Variants in TBC1D22A observed in about 807,000 individuals in gnomAD.
The protein encoded by TBC1D22A is TBC1 domain family member 22A.
A neutral mutation model predicts 60.2 loss-of-function variants in TBC1D22A; 38 were observed. The observed-to-expected ratio is 0.63, with a 90% CI of 0.49 to 0.83. The LOEUF is 0.83. Among genes scored for constraint, TBC1D22A ranks in the 40% least tolerant of loss-of-function variants. TBC1D22A has a pLI of 0.00. For synonymous variants in TBC1D22A, 302 were observed against 281.7 expected (o/e 1.07, Z -0.72); for missense variants, 628 against 701.0 (o/e 0.90, Z 1.18).
intron 12 of TBC1D22A, among the ~76,000 whole-genome samples, chr22:47,127,136 G>C (rs2066485370): frequency 6.6e-6 from 1 of 152,094 alleles, no homozygotes; most frequent in African/African-American, 2.4e-5. Context: ...TTTGCAAATG[G>C]AAAATTCTTG....
chr22:46,848,310 T>C (rs2087113220), intron 4 of TBC1D22A, among the ~76,000 whole-genome samples: 1 of 152,246 alleles, frequency 6.6e-6, no homozygotes, highest in Non-Finnish European at 1.5e-5. Flanking sequence ...GCTAGAAGCT[T>C]TCCTTCAGGG....
chr22:47,073,823 T>C (rs527522105), intron 11 of TBC1D22A, among the ~76,000 whole-genome samples: 2 of 152,166 alleles, frequency 1.3e-5, no homozygotes, highest in Non-Finnish European at 2.9e-5. Flanking sequence ...CTAAAAAAGA[T>C]AGTATTAAAA....
At chr22:46,764,642 G>C (rs749620230) in intron 1 of TBC1D22A, among the ~76,000 whole-genome samples, 3 of 152,162 alleles carry the variant, frequency 2.0e-5, no homozygotes, top group Non-Finnish European at 2.9e-5. Flanking sequence ...GGTAAAATGA[G>C]GTCATACTGG....
intron 11 of TBC1D22A, among the ~76,000 whole-genome samples, chr22:47,097,433 G>A (rs1603264999): frequency 1.3e-5 from 2 of 152,232 alleles, no homozygotes; most frequent in Middle Eastern, 3.4e-3. Context: ...GGCCAACATG[G>A]TGAAACCCCA....
chr22:47,172,227 C>T (rs922224148), intron 12 of TBC1D22A, among the ~76,000 whole-genome samples: 15 of 152,046 alleles, frequency 9.9e-5, no homozygotes, highest in African/African-American at 3.6e-4. Flanking sequence ...CCTGGTGTGT[C>T]TACCTAGCAT....
rs5766707 is a variant in TBC1D22A at position 47,168,996 on chromosome 22, C to T, written c.1426-4502C>T. 7.8e-3 allele frequency among the ~76,000 whole-genome samples: 1,186 copies of T among 151,200 alleles called. 29 individuals carry two copies. The East Asian group carries it at 0.095, about 12-fold the overall frequency. ...GGCATCGGGAGCCTCACCTGCCCTC[C>T]GGCATTGGGAGCCTCACCTGTTGGA... On this transcript the variant is annotated intron_variant, in intron 12 of 12. Transcript: ENST00000337137.
chr22:46,892,232 T>G (rs1025162131), intron 6 of TBC1D22A, among the ~76,000 whole-genome samples: 1 of 152,112 alleles, frequency 6.6e-6, no homozygotes, highest in Non-Finnish European at 1.5e-5. Flanking sequence ...GTGATGGAGC[T>G]TTGCCACATT....
chr22:46,987,876 C>T (rs757644848), intron 9 of TBC1D22A, among the ~76,000 whole-genome samples: 3 of 152,130 alleles, frequency 2.0e-5, no homozygotes, highest in Admixed American at 1.3e-4. Flanking sequence ...CAGAGCTACT[C>T]GATGGCATTT....
chr22:46,907,630 C>T (rs1189656473), intron 7 of TBC1D22A, among the ~76,000 whole-genome samples: 2 of 152,188 alleles, frequency 1.3e-5, no homozygotes, highest in East Asian at 1.9e-4. Context: ...CCACCATCTG[C>T]GCCTCCACCA....
intron 7 of TBC1D22A, among the ~76,000 whole-genome samples, chr22:46,908,949 T>G (rs1050691772): frequency 6.6e-6 from 1 of 152,154 alleles, no homozygotes; most frequent in Admixed American, 6.5e-5. Flanking sequence ...TCATGGAGGC[T>G]CCTGCTGTGG....
chr22:47,057,646 A>C (rs74767293), intron 11 of TBC1D22A, among the ~76,000 whole-genome samples: 1 of 152,226 alleles, frequency 6.6e-6, no homozygotes, highest in African/African-American at 2.4e-5. Context: ...CGCGTCTTAC[A>C]TAGCGGCAGG....
At chr22:47,012,253 G>A (rs114354540) in intron 10 of TBC1D22A, among the ~76,000 whole-genome samples, 7 of 152,150 alleles carry the variant, frequency 4.6e-5, no homozygotes, top group African/African-American at 4.8e-5. Context: ...GTTTGGTTCC[G>A]CTGTGAAAAG....
At chr22:46,921,190 T>A (rs1378367048) in intron 8 of TBC1D22A, among the ~76,000 whole-genome samples, 1 of 152,196 alleles carries the variant, frequency 6.6e-6, no homozygotes, top group Admixed American at 6.5e-5. Context: ...GTTACCCAGG[T>A]AATAAGCGTA....
At chr22:46,792,490 C>T in intron 1 of TBC1D22A, 30 bp from the exon 2 acceptor site, 1 of 1,614,206 alleles carries the variant, frequency 6.2e-7, no homozygotes, top group Non-Finnish European at 8.5e-7. Context: ...AGGAGAGAGG[C>T]TCACTGGTTT....
Position 47,060,236 on chromosome 22 carries a change from G to T in TBC1D22A, c.1329+23038G>T, listed in dbSNP as rs1603208212. 3.7e-5 allele frequency among the ~76,000 whole-genome samples: 5 copies of T among 134,082 alleles called. No homozygotes were observed. In the South Asian group the frequency reaches 1.2e-3, roughly 33 times the overall value. The allele number at this position is 134,082 out of a possible 152,430, so 88.0% of individuals were successfully genotyped here. A position where few individuals can be genotyped will look rare whatever the true frequency, so the allele number is the denominator to read the frequency against. On this transcript the variant is annotated intron_variant, in intron 11 of 12. Coordinates refer to ENST00000337137, the MANE Select transcript of TBC1D22A (RefSeq NM_014346.5). ...TCTGCGGCCCCTGCTAAGGGTTTCT[G>T]ACTTTTTTTTTTTTTTTTTTTTTGA...
intron 12 of TBC1D22A, among the ~76,000 whole-genome samples, chr22:47,136,984 G>C (rs919871179): frequency 6.6e-5 from 10 of 152,200 alleles, no homozygotes; most frequent in Non-Finnish European, 1.3e-4. Flanking sequence ...GGTGGCGAGT[G>C]TGAGCAAACC....
At chr22:46,981,978 A>G (rs2074530443) in intron 9 of TBC1D22A, among the ~76,000 whole-genome samples, 4 of 149,136 alleles carry the variant, frequency 2.7e-5, no homozygotes, top group Admixed American at 2.6e-4. Context: ...GGAGCCAGAT[A>G]GACCAAGGTC....
At chr22:46,936,119 C>A (rs2147915851) in intron 8 of TBC1D22A, among the ~76,000 whole-genome samples, 1 of 152,364 alleles carries the variant, frequency 6.6e-6, no homozygotes, top group South Asian at 2.1e-4. Context: ...TTATTAGGTG[C>A]CAGAGGGTGC....
intron 1 of TBC1D22A, among the ~76,000 whole-genome samples, chr22:46,766,198 C>G (rs1050756953): frequency 6.6e-6 from 1 of 152,102 alleles, no homozygotes; most frequent in African/African-American, 2.4e-5. Flanking sequence ...GGGGTTTCAC[C>G]GTGCTAGCCA....
Sources: gnomAD v4.1 joint callset for allele counts (sites outside exome capture counted in the v4.1 genomes callset) on GRCh38, gnomAD v4.1.1 for gene constraint, MANE v1.5 for transcripts, NCBI Gene and HGNC (gene_info 2026-07-23, HGNC 2026-07-21) for gene names.